Variants in KHDRBS2 observed in about 807,000 individuals in gnomAD.
KHDRBS2 encodes KH RNA binding domain containing, signal transduction associated 2, also known as KH domain-containing, RNA-binding, signal transduction-associated protein 2.
In KHDRBS2, 26 loss-of-function variants were observed where a neutral mutation model predicts 44.3. The observed-to-expected ratio is 0.59, with a 90% CI of 0.43 to 0.81. The LOEUF is 0.81. Among genes scored for constraint, KHDRBS2 ranks in the 40% least tolerant of loss-of-function variants. The probability of loss-of-function intolerance (pLI) is 0.00; values close to 1 mark genes in which losing one functional copy is unlikely to be tolerated. For synonymous variants in KHDRBS2, 194 were observed against 151.1 expected (o/e 1.28, Z -2.08); for missense variants, 476 against 433.1 (o/e 1.10, Z -0.88).
intron 2 of KHDRBS2, among the ~76,000 whole-genome samples, chr6:62,164,490 A>T (rs1168869374): frequency 6.6e-6 from 1 of 151,890 alleles, no homozygotes; most frequent in African/African-American, 2.4e-5. Flanking sequence ...CATTAATAAT[A>T]ACTAATTCAA....
At chr6:61,730,186 T>C (rs550179175) in intron 7 of KHDRBS2, among the ~76,000 whole-genome samples, 44 of 152,288 alleles carry the variant, frequency 2.9e-4, no homozygotes, top group Non-Finnish European at 5.4e-4. Context: ...GTATTGAGGA[T>C]AAAATTTTGA....
At chr6:61,824,287 T>G (rs1327936133) in intron 6 of KHDRBS2, among the ~76,000 whole-genome samples, 2 of 152,084 alleles carry the variant, frequency 1.3e-5, no homozygotes, top group Non-Finnish European at 2.9e-5. Context: ...TTCTAATGGT[T>G]TTGAACCATC....
the KHDRBS2 span, among the ~76,000 whole-genome samples, chr6:61,551,920 T>C: frequency 1.3e-5 from 2 of 152,198 alleles, no homozygotes; most frequent in African/African-American, 2.4e-5. Flanking sequence ...ATATATCCCA[T>C]GTGAATGGGA....
chr6:61,897,280 C>A (rs145598637), intron 5 of KHDRBS2, among the ~76,000 whole-genome samples: 1 of 152,236 alleles, frequency 6.6e-6, no homozygotes, highest in African/African-American at 2.4e-5. Flanking sequence ...AATTTGGGAA[C>A]CACTGCCTTA....
intron 6 of KHDRBS2, among the ~76,000 whole-genome samples, chr6:61,801,294 T>C (rs1332946083): frequency 6.6e-6 from 1 of 152,150 alleles, no homozygotes; most frequent in African/African-American, 2.4e-5. Flanking sequence ...TTAAGGAGTC[T>C]AAATACTACT....
intron 3 of KHDRBS2, among the ~76,000 whole-genome samples, chr6:62,007,127 C>T (rs1779388887): frequency 6.6e-6 from 1 of 151,944 alleles, no homozygotes; most frequent in South Asian, 2.1e-4. Context: ...TGGGAAGGCT[C>T]GTCAAACAAA....
intron 2 of KHDRBS2, among the ~76,000 whole-genome samples, chr6:62,079,433 T>TA (rs1477197689): frequency 6.6e-6 from 1 of 151,964 alleles, no homozygotes; most frequent in Non-Finnish European, 1.5e-5. Context: ...TAACAATAAT[T>TA]AAAAAAATTA....
chr6:61,722,093 G>C (rs372230444), intron 7 of KHDRBS2, among the ~76,000 whole-genome samples: 2 of 152,064 alleles, frequency 1.3e-5, no homozygotes, highest in Non-Finnish European at 1.5e-5. Context: ...ATTGATTTGC[G>C]TGTGTTGAAC....
rs144909195 is a variant in KHDRBS2, at chr6:62,225,614, G to A, written c.92-48302C>T. Among the ~76,000 whole-genome samples the A allele has an allele frequency of 7.4e-4, 112 of 152,244 alleles. 1 individual carries two copies. Among genetic ancestry groups the A allele is most frequent in the African/African-American group, 2.5e-3 (104 of 41,548 alleles). On this transcript the variant is annotated intron_variant, in intron 1 of 8. Transcript: ENST00000281156. ...TATACATGTGCCATGGTGGCTTGCT[G>A]CACCTACCAACTCGTCATGTAGGTT...
At chr6:62,249,979 C>T (rs1251695190) in intron 1 of KHDRBS2, among the ~76,000 whole-genome samples, 4 of 152,084 alleles carry the variant, frequency 2.6e-5, no homozygotes, top group Non-Finnish European at 5.9e-5. Context: ...TCTTAATTAT[C>T]TTCTTTATTA....
intron 2 of KHDRBS2, among the ~76,000 whole-genome samples, chr6:62,147,210 C>A (rs923889152): frequency 7.2e-5 from 11 of 151,770 alleles, no homozygotes; most frequent in African/African-American, 2.2e-4. Context: ...CCTCAATTTT[C>A]TAGGATGATC....
chr6:61,989,072 C>T (rs963516101), intron 3 of KHDRBS2, among the ~76,000 whole-genome samples: 6 of 152,174 alleles, frequency 3.9e-5, no homozygotes, highest in Admixed American at 6.5e-5. Flanking sequence ...AGGCTAGATT[C>T]TCCCTGTTGA....
In KHDRBS2 at chr6:61,837,649, T is replaced by C. The variant is rs555640098; in HGVS notation, c.810+56986A>G. The stretch of plus-strand genomic sequence containing the variant: ...GCACCTGACTCAAACACTACAAGCA[T>C]CAAAAAATGTAGGGCCAGTTACCAC... On this transcript the variant is annotated intron_variant, in intron 6 of 8. Transcript: ENST00000281156. 3.9e-5 allele frequency among the ~76,000 whole-genome samples: 6 copies of C among 152,024 alleles called. No individual in the cohort carries two copies. The South Asian group carries it at 8.3e-4, about 21-fold the overall frequency.
chr6:61,941,700 G>T (rs1812162208), intron 4 of KHDRBS2, among the ~76,000 whole-genome samples: 1 of 151,934 alleles, frequency 6.6e-6, no homozygotes, highest in Non-Finnish European at 1.5e-5. Context: ...TTACTGCATG[G>T]ACACAGAATC....
At chr6:62,090,766 A>AT (rs1184597035) in intron 2 of KHDRBS2, among the ~76,000 whole-genome samples, 1 of 151,956 alleles carries the variant, frequency 6.6e-6, no homozygotes, top group African/African-American at 2.4e-5. Flanking sequence ...TTTAAGTGTA[A>AT]TTTTTTTCCA....
intron 1 of KHDRBS2, among the ~76,000 whole-genome samples, chr6:62,187,928 T>C (rs565430779): frequency 3.3e-5 from 5 of 152,190 alleles, no homozygotes; most frequent in African/African-American, 9.6e-5. Context: ...AGTAGGAACA[T>C]GGTGCCAGCA....
chr6:62,115,795 TA>T (rs1806079464), intron 2 of KHDRBS2, among the ~76,000 whole-genome samples: 3 of 152,152 alleles, frequency 2.0e-5, no homozygotes, highest in Admixed American at 2.0e-4. Flanking sequence ...TTTACTTTTT[TA>T]ACGTTAATTA....
chr6:61,622,855 C>G, the KHDRBS2 span, among the ~76,000 whole-genome samples: 1 of 151,988 alleles, frequency 6.6e-6, no homozygotes, highest in African/African-American at 2.4e-5. Context: ...CTCTCCTCTG[C>G]AAGCCAGGGC....
At chr6:62,278,578 A>G (rs1389514721) in intron 1 of KHDRBS2, among the ~76,000 whole-genome samples, 1 of 152,212 alleles carries the variant, frequency 6.6e-6, no homozygotes, top group Non-Finnish European at 1.5e-5. Context: ...GTCAATCAAA[A>G]GAAAATTTCA....
Sources: allele counts gnomAD v4.1 joint callset (sites outside exome capture counted in the v4.1 genomes callset), GRCh38; gene constraint gnomAD v4.1.1; transcripts MANE v1.5; gene names NCBI Gene and HGNC (gene_info 2026-07-23, HGNC 2026-07-21).